Variants in ANKS1B observed in about 807,000 individuals in gnomAD.
ANKS1B encodes ankyrin repeat and sterile alpha motif domain containing 1B.
A neutral mutation model predicts 148.3 loss-of-function variants in ANKS1B; 36 were observed. The ratio of observed to expected loss-of-function variants is 0.24; its 90% confidence interval spans 0.19 to 0.32. The LOEUF is 0.32. ANKS1B is among the 10% of genes least tolerant of loss of function. The pLI is 1.00. For missense variants in ANKS1B, 1,157 were observed against 1,542.6 expected (o/e 0.75, Z 4.19); for synonymous variants, 542 against 560.8 (o/e 0.97, Z 0.47).
At chr12:99,620,522 C>G (rs1445895059) in intron 9 of ANKS1B, among the ~76,000 whole-genome samples, 1 of 152,042 alleles carries the variant, frequency 6.6e-6, no homozygotes, top group Admixed American at 6.6e-5. Flanking sequence ...AGATAAACAT[C>G]TTTAAAAGAA....
At chr12:99,694,985 T>C (rs1490219293) in intron 8 of ANKS1B, among the ~76,000 whole-genome samples, 1 of 152,190 alleles carries the variant, frequency 6.6e-6, no homozygotes, top group African/African-American at 2.4e-5. Flanking sequence ...TTGGAATGCA[T>C]ACTTAGAAAG....
At chr12:99,526,133 G>A (rs1013672917) in intron 9 of ANKS1B, among the ~76,000 whole-genome samples, 3 of 152,078 alleles carry the variant, frequency 2.0e-5, no homozygotes. Context: ...TCAAATTGCT[G>A]TAGATAATAC....
chr12:99,572,446 C>A (rs2097467419), intron 9 of ANKS1B, among the ~76,000 whole-genome samples: 1 of 151,972 alleles, frequency 6.6e-6, no homozygotes, highest in African/African-American at 2.4e-5. Flanking sequence ...GCAAACTTGG[C>A]TCTAGAGGAA....
chr12:99,186,355 C>T (rs1444510498), intron 14 of ANKS1B, among the ~76,000 whole-genome samples: 4 of 152,308 alleles, frequency 2.6e-5, no homozygotes, highest in African/African-American at 7.2e-5. Flanking sequence ...CTGAAGAGAG[C>T]AGCAGATCTC....
At chr12:99,926,610 G>T (rs963802477) in intron 1 of ANKS1B, among the ~76,000 whole-genome samples, 4 of 152,158 alleles carry the variant, frequency 2.6e-5, no homozygotes, top group African/African-American at 9.7e-5. Context: ...TGCAGATCTT[G>T]CATCCTGCAG....
intron 1 of ANKS1B, among the ~76,000 whole-genome samples, chr12:99,859,390 A>G (rs1044422108): frequency 3.9e-5 from 6 of 152,214 alleles, no homozygotes; most frequent in African/African-American, 1.4e-4. Context: ...TTGGAAGCAA[A>G]GTAAGCCCTT....
At chr12:99,192,282 T>G (rs977985971) in intron 14 of ANKS1B, among the ~76,000 whole-genome samples, 2 of 152,174 alleles carry the variant, frequency 1.3e-5, no homozygotes, top group Non-Finnish European at 2.9e-5. Flanking sequence ...TTGTCTTGCT[T>G]GATTTCCCTA....
At chr12:99,712,746 T>C (rs1712468604) in intron 8 of ANKS1B, among the ~76,000 whole-genome samples, 1 of 152,140 alleles carries the variant, frequency 6.6e-6, no homozygotes, top group Non-Finnish European at 1.5e-5. Context: ...GACATTCTCA[T>C]TGGGAGAAAA....
chr12:99,076,139 T>C (rs1224736440), intron 16 of ANKS1B, among the ~76,000 whole-genome samples: 1 of 152,028 alleles, frequency 6.6e-6, no homozygotes, highest in African/African-American at 2.4e-5. Flanking sequence ...AAGATAAATA[T>C]AATAGAATAG....
At chr12:98,737,018 G>A (rs920993885) in intron 9 of ANKS1B, among the ~76,000 whole-genome samples, 14 of 152,186 alleles carry the variant, frequency 9.2e-5, no homozygotes, top group African/African-American at 3.1e-4. Flanking sequence ...ATGAGGATCC[G>A]TTCCTCCCTC....
chr12:99,716,449 A>G (rs1351943093), intron 8 of ANKS1B, among the ~76,000 whole-genome samples: 1 of 151,516 alleles, frequency 6.6e-6, no homozygotes, highest in African/African-American at 2.4e-5. Flanking sequence ...TCCACCCTCC[A>G]TTACTCCTTC....
intron 17 of ANKS1B, among the ~76,000 whole-genome samples, chr12:98,967,529 T>C (rs1465981475): frequency 6.6e-6 from 1 of 150,572 alleles, no homozygotes; most frequent in Non-Finnish European, 1.5e-5. Flanking sequence ...TGTCTGGATA[T>C]GTTGAGGTAT....
intron 9 of ANKS1B, among the ~76,000 whole-genome samples, chr12:99,616,043 G>T (rs1002123963): frequency 6.6e-6 from 1 of 152,084 alleles, no homozygotes; most frequent in Non-Finnish European, 1.5e-5. Context: ...ATTCACAACT[G>T]CCACAAAGAG....
At chr12:98,780,031 T>C (rs935978811) in intron 24 of ANKS1B, among the ~76,000 whole-genome samples, 1 of 152,290 alleles carries the variant, frequency 6.6e-6, no homozygotes, top group African/African-American at 2.4e-5. Context: ...AGAAAACCAA[T>C]TGGAAAAACT....
chr12:99,949,923 C>T (rs949379379), intron 1 of ANKS1B, among the ~76,000 whole-genome samples: 5 of 151,978 alleles, frequency 3.3e-5, no homozygotes, highest in East Asian at 3.9e-4. Context: ...AAATTGTCAA[C>T]GCTTGCTCTA....
intron 19 of ANKS1B, among the ~76,000 whole-genome samples, chr12:98,819,387 A>G (rs1265735159): frequency 6.6e-6 from 1 of 152,202 alleles, no homozygotes; most frequent in African/African-American, 2.4e-5. Flanking sequence ...ATTGGCAAGG[A>G]GCTGGAGACA....
chr12:99,968,587 A>G (rs1024911675), intron 1 of ANKS1B, among the ~76,000 whole-genome samples: 20 of 146,136 alleles, frequency 1.4e-4, no homozygotes, highest in African/African-American at 4.9e-4. Context: ...CAATCAATCA[A>G]TCAATGCTGT....
At chr12:99,230,276 T>C (rs1408846880) in intron 14 of ANKS1B, among the ~76,000 whole-genome samples, 1 of 152,080 alleles carries the variant, frequency 6.6e-6, no homozygotes, top group Non-Finnish European at 1.5e-5. Flanking sequence ...AACTTGAGTG[T>C]CTCAGTGATA....
chr12:99,151,322 G>A (rs1030151544), intron 15 of ANKS1B, among the ~76,000 whole-genome samples: 2 of 152,100 alleles, frequency 1.3e-5, no homozygotes, highest in African/African-American at 4.8e-5. Flanking sequence ...AAGATCAGGA[G>A]TTCTAGACCA....
Sources: allele counts gnomAD v4.1 joint callset (sites outside exome capture counted in the v4.1 genomes callset), GRCh38; gene constraint gnomAD v4.1.1; transcripts MANE v1.5; gene names NCBI Gene and HGNC (gene_info 2026-07-23, HGNC 2026-07-21).